The following RAP1A variants were observed in gnomAD, a reference collection of about 807,000 sequenced individuals.
RAP1A encodes the protein RAP1A, member of RAS oncogene family, also known as ras-related protein Rap-1A.
RAP1A carries 6 observed loss-of-function variants against 26.4 expected under a neutral mutation model. That is an observed-to-expected ratio of 0.23 (90% confidence interval 0.12 to 0.45). RAP1A has a LOEUF of 0.45. Among genes scored for constraint, RAP1A ranks in the 20% least tolerant of loss-of-function variants. The pLI is 0.99. For missense variants in RAP1A, 121 were observed against 217.2 expected (o/e 0.56, Z 2.78); for synonymous variants, 73 against 79.4 (o/e 0.92, Z 0.43).
intron 4 of RAP1A, among the ~76,000 whole-genome samples, chr1:111,698,071 C>T (rs956738651): frequency 5.3e-5 from 8 of 152,196 alleles, no homozygotes; most frequent in East Asian, 1.9e-4. Context: ...ATGTCTGTTA[C>T]ACAGTATGGA....
chr1:111,542,166 C>T (rs1250808107), upstream of RAP1A: 2 of 442,544 alleles, frequency 4.5e-6, no homozygotes, highest in Non-Finnish European at 9.1e-6. Flanking sequence ...GAGTAGATGC[C>T]TTGGATAATC....
intron 1 of RAP1A, among the ~76,000 whole-genome samples, chr1:111,565,694 A>G (rs1571473762): frequency 6.6e-6 from 1 of 152,320 alleles, no homozygotes; most frequent in East Asian, 1.9e-4. Flanking sequence ...TCAACCTTAC[A>G]GTTTTGGTAG....
chr1:111,568,467 T>C (rs1245866108), intron 1 of RAP1A, among the ~76,000 whole-genome samples: 1 of 152,060 alleles, frequency 6.6e-6, no homozygotes, highest in African/African-American at 2.4e-5. Context: ...GCTAAACCAT[T>C]CAGGAGGGAT....
intron 1 of RAP1A, among the ~76,000 whole-genome samples, chr1:111,651,495 T>A (rs985982331): frequency 6.1e-5 from 9 of 146,448 alleles, no homozygotes; most frequent in Non-Finnish European, 1.1e-4. Flanking sequence ...TTTTTTTTTT[T>A]AGACAGAGTC....
chr1:111,646,768 T>C (rs946133469), intron 1 of RAP1A, among the ~76,000 whole-genome samples: 2 of 152,222 alleles, frequency 1.3e-5, no homozygotes. Context: ...CTCGATCTCC[T>C]GACCTTGTGA....
intron 6 of RAP1A, among the ~76,000 whole-genome samples, chr1:111,705,104 G>T (rs1284320212): frequency 6.6e-6 from 1 of 152,128 alleles, no homozygotes; most frequent in East Asian, 1.9e-4. Flanking sequence ...TGCATGCCTG[G>T]GTGTAAAGGG....
At chr1:111,696,240 G>T (rs1014364897) in intron 3 of RAP1A, among the ~76,000 whole-genome samples, 6 of 152,094 alleles carry the variant, frequency 3.9e-5, no homozygotes, top group African/African-American at 7.2e-5. Flanking sequence ...TAGTAGCCAA[G>T]AATATTTTTT....
At chr1:111,606,696 A>T (rs1054006080) in intron 1 of RAP1A, among the ~76,000 whole-genome samples, 16 of 152,208 alleles carry the variant, frequency 1.1e-4, no homozygotes, top group African/African-American at 3.4e-4. Flanking sequence ...TGTTGTTATT[A>T]TTACCCTGAT....
intron 1 of RAP1A, among the ~76,000 whole-genome samples, chr1:111,661,935 C>CT (rs142630742): frequency 0.012 from 1,852 of 151,944 alleles, 38 homozygotes; most frequent in African/African-American, 0.042. Flanking sequence ...AGTTATGTAT[C>CT]TTTTTTTGTG....
chr1:111,656,737 CA>C lies in RAP1A; in HGVS notation c.-27-34596del, dbSNP rs564147950. Reference sequence around the variant, plus strand: ...GGTTCCCCCCCGCCACTGCCTCACTCACTAGTTGCTCTTTCCTGACCTGCTT... The same window carrying C: ...GGTTCCCCCCCGCCACTGCCTCACTCCTAGTTGCTCTTTCCTGACCTGCTT... On this transcript the variant is annotated intron_variant, in intron 1 of 7. Transcript: ENST00000369709. Among the ~76,000 whole-genome samples the C allele has an allele frequency of 1.3e-3, 189 of 151,114 alleles. 1 individual carries two copies. The highest frequency in any genetic ancestry group is 4.3e-3 in the African/African-American group (176 of 41,328).
Position 111,703,357 on chromosome 1 carries a change from G to T in RAP1A, c.205G>T (p.Asp69Tyr). ...ATAGGAGCAATTTACAGCAATGAGG[G>T]ATTTGTATATGAAGAACGGCCAAGG... ...AGTEQFTAMR[D>Y]LYMKNGQGFA... The change falls in exon 5 of 8, where the codon GAT becomes TAT. Residue 69 changes from aspartate to tyrosine, a missense_variant. Physicochemically the swap from Asp to Tyr is radical, Grantham distance 160. Transcript: ENST00000369709. 1 of 1,578,366 alleles carries T rather than the reference G, an allele frequency of 6.3e-7. No individual in the cohort carries two copies. The highest frequency in any genetic ancestry group is 1.2e-5 in the South Asian group (1 of 85,184).
rs989972354 is a variant in RAP1A at position 111,610,062 on chromosome 1, C to A, written c.-28+67553C>A. Reference sequence around the variant, plus strand: ...CTATACGCCCCTTATGACCTTACAGCCAAAAATGATTGACTCCCTTGGTAA... The same window carrying A: ...CTATACGCCCCTTATGACCTTACAGACAAAAATGATTGACTCCCTTGGTAA... On this transcript the variant is annotated intron_variant, in intron 1 of 7. Transcript: ENST00000356415. 8.5e-5 allele frequency among the ~76,000 whole-genome samples: 13 copies of A among 152,302 alleles called. No homozygotes were observed. The East Asian group carries it at 9.6e-4, about 11-fold the overall frequency.
At chr1:111,650,093 C>CTTTTTT (rs57681662) in intron 1 of RAP1A, among the ~76,000 whole-genome samples, 76 of 75,862 alleles carry the variant, frequency 1.0e-3, no homozygotes, top group Non-Finnish European at 1.1e-3. Flanking sequence ...TGGTAGAGTG[C>CTTTTTT]TTTTTTTTTT....
Position 111,703,311 on chromosome 1 carries a change from TA to T in RAP1A, c.184-23del, listed in dbSNP as rs755841030. The T allele has an allele frequency of 2.1e-6, 3 of 1,440,958 alleles. No individual in the cohort carries two copies. In the South Asian group the frequency reaches 4.2e-5, roughly 20 times the overall value. The allele number at this position is 1,440,958 out of a possible 1,614,324, so 89.3% of individuals were successfully genotyped here. On this transcript the variant is annotated intron_variant, in intron 4 of 7. Coordinates refer to ENST00000369709, the MANE Select transcript of RAP1A (RefSeq NM_002884.4). Reference sequence around the variant, plus strand: ...TACATTCAAGAAATTTATATATTTATAATTGCATATTTTTTAAATCATAGGA... The same window carrying T: ...TACATTCAAGAAATTTATATATTTATATTGCATATTTTTTAAATCATAGGA...
chr1:111,559,871 A>G (rs982595837), intron 1 of RAP1A, among the ~76,000 whole-genome samples: 4 of 152,182 alleles, frequency 2.6e-5, no homozygotes, highest in African/African-American at 9.7e-5. Context: ...GATGCAGCAT[A>G]AATTACTAAG....
chr1:111,610,865 C>T (rs921189744), intron 1 of RAP1A, among the ~76,000 whole-genome samples: 13 of 152,166 alleles, frequency 8.5e-5, no homozygotes, highest in East Asian at 7.7e-4. Flanking sequence ...CTCATATTAT[C>T]TCATTTAATT....
At chr1:111,609,297 A>G (rs920852872) in intron 1 of RAP1A, among the ~76,000 whole-genome samples, 2 of 152,136 alleles carry the variant, frequency 1.3e-5, no homozygotes, top group Non-Finnish European at 2.9e-5. Context: ...TCAAAGCCCA[A>G]GTGAGACCTT....
chr1:111,562,625 T>A (rs925400508), intron 1 of RAP1A, among the ~76,000 whole-genome samples: 24 of 152,196 alleles, frequency 1.6e-4, no homozygotes, highest in Admixed American at 1.6e-3. Flanking sequence ...GGACTAAAAT[T>A]GCCAATATTC....
At chr1:111,620,845 T>A (rs1427469556) in intron 1 of RAP1A, among the ~76,000 whole-genome samples, 1 of 152,196 alleles carries the variant, frequency 6.6e-6, no homozygotes, top group Non-Finnish European at 1.5e-5. Context: ...AGCCGAGTTG[T>A]GTAATTTACT....
Sources: gnomAD v4.1 joint callset for allele counts (sites outside exome capture counted in the v4.1 genomes callset) on GRCh38, gnomAD v4.1.1 for gene constraint, MANE v1.5 for transcripts, NCBI Gene and HGNC (gene_info 2026-07-23, HGNC 2026-07-21) for gene names.